Variants in MYO1E observed in about 807,000 individuals in gnomAD.
MYO1E encodes the protein myosin IE, also known as unconventional myosin-Ie.
Under a neutral mutation model 151.1 loss-of-function variants are expected in MYO1E, and 68 were observed. That is an observed-to-expected ratio of 0.45 (90% confidence interval 0.37 to 0.55). The LOEUF (loss-of-function observed/expected upper bound fraction) is 0.55. MYO1E is among the 20% of genes least tolerant of loss of function. MYO1E has a pLI of 0.00. For missense variants in MYO1E, 1,363 were observed against 1,389.3 expected (o/e 0.98, Z 0.30); for synonymous variants, 601 against 501.7 (o/e 1.20, Z -2.64).
At chr15:59,370,360 G>C (rs989154921) in intron 1 of MYO1E, among the ~76,000 whole-genome samples, 3 of 152,172 alleles carry the variant, frequency 2.0e-5, no homozygotes, top group Non-Finnish European at 4.4e-5. Flanking sequence ...CATACATAAT[G>C]AACAATTTTT....
intron 5 of MYO1E, among the ~76,000 whole-genome samples, chr15:59,236,369 T>TATATACACACACACAC (rs1392466770): frequency 1.7e-5 from 2 of 117,740 alleles, no homozygotes; most frequent in African/African-American, 6.5e-5. Context: ...AAAAAATATA[T>TATATACACACACACAC]ACACACACAC....
Position 59,239,148 on chromosome 15 carries a change from T to C in MYO1E, c.333-2476A>G, listed in dbSNP as rs536152691. ...TTGAACCCGGGAGGCAGAGGTTGCA[T>C]TGAGCCAAGATTGTGCCACTGCACT... On this transcript the variant is annotated intron_variant, in intron 4 of 27. Transcript: ENST00000288235. Among the ~76,000 whole-genome samples, 501 of 151,306 alleles carry C rather than the reference T, an allele frequency of 3.3e-3. 2 individuals are homozygous for C. Among genetic ancestry groups the C allele is most frequent in the Non-Finnish European group, 5.0e-3 (339 of 67,778 alleles).
chr15:59,263,205 C>T (rs923142842), intron 2 of MYO1E, among the ~76,000 whole-genome samples: 2 of 152,146 alleles, frequency 1.3e-5, no homozygotes, highest in African/African-American at 2.4e-5. Context: ...TTTATATTTA[C>T]ATATTAAGAC....
intron 24 of MYO1E, 121 bp from the exon 25 acceptor site, chr15:59,158,500 G>A: frequency 1.3e-6 from 1 of 768,132 alleles, no homozygotes; most frequent in Non-Finnish European, 2.3e-6. Flanking sequence ...TGGATCTGCA[G>A]GAGAACAGTT....
chr15:59,311,488 G>A (rs1329588767), intron 1 of MYO1E, among the ~76,000 whole-genome samples: 10 of 152,114 alleles, frequency 6.6e-5, no homozygotes, highest in African/African-American at 2.4e-4. Flanking sequence ...ATTGCCCAGG[G>A]GTTGGGGACC....
chr15:59,324,662 A>AGCC (rs2080651252), intron 1 of MYO1E, among the ~76,000 whole-genome samples: 1 of 4,812 alleles, frequency 2.1e-4, no homozygotes, highest in Non-Finnish European at 1.1e-3. Flanking sequence ...CCCCATCCCA[A>AGCC]GCCCCCCCCC....
At chr15:59,227,416 A>G in intron 7 of MYO1E, 43 bp downstream of exon 7, 1 of 1,611,464 alleles carries the variant, frequency 6.2e-7, no homozygotes, top group Admixed American at 1.7e-5. Context: ...TTTAATGTAG[A>G]GAAGGGACAG....
chr15:59,148,072 T>C (rs1169493938), intron 26 of MYO1E, among the ~76,000 whole-genome samples: 2 of 152,226 alleles, frequency 1.3e-5, no homozygotes, highest in Non-Finnish European at 2.9e-5. Flanking sequence ...TCAAATAGCA[T>C]TGTGCTTTAT....
intron 1 of MYO1E, 80 bp downstream of exon 1, chr15:59,372,418 C>A: frequency 6.6e-7 from 1 of 1,522,574 alleles, no homozygotes; most frequent in Non-Finnish European, 8.8e-7. Flanking sequence ...CGGCAGCGCG[C>A]CCAAGGTGGG....
At chr15:59,254,772 G>C (rs1315934257) in intron 4 of MYO1E, among the ~76,000 whole-genome samples, 1 of 152,100 alleles carries the variant, frequency 6.6e-6, no homozygotes, top group Non-Finnish European at 1.5e-5. Flanking sequence ...TCTAGGTGAT[G>C]AGAATATGGA....
chr15:59,268,715 T>C (rs1162327806), intron 2 of MYO1E, among the ~76,000 whole-genome samples: 3 of 135,560 alleles, frequency 2.2e-5, no homozygotes, highest in Admixed American at 1.5e-4. Context: ...CTGGGTGACT[T>C]TGGTATTTTT....
intron 1 of MYO1E, among the ~76,000 whole-genome samples, chr15:59,301,577 A>C (rs1167097996): frequency 1.3e-5 from 2 of 152,240 alleles, no homozygotes; most frequent in African/African-American, 2.4e-5. Flanking sequence ...TTAATTGAAG[A>C]GATCTTCTTG....
At chr15:59,346,172 C>G (rs745852467) in intron 1 of MYO1E, among the ~76,000 whole-genome samples, 3 of 152,146 alleles carry the variant, frequency 2.0e-5, no homozygotes, top group Non-Finnish European at 4.4e-5. Context: ...CCTTCTTCCA[C>G]TTGTGCTTTC....
At chr15:59,176,493 G>C (rs548017822) in intron 19 of MYO1E, among the ~76,000 whole-genome samples, 3 of 126,060 alleles carry the variant, frequency 2.4e-5, no homozygotes, top group African/African-American at 6.0e-5. Context: ...GGTCTTTCTT[G>C]ATCTGTTGCC....
At chr15:59,178,567 C>T (rs778689060) in intron 18 of MYO1E, 30 bp from the exon 19 acceptor site, 2 of 1,612,380 alleles carry the variant, frequency 1.2e-6, no homozygotes, top group Admixed American at 1.7e-5. Flanking sequence ...AAGAGAATCA[C>T]ACTTGGGCGG....
At chr15:59,206,942 T>C (rs1456423286) in intron 14 of MYO1E, 5 of 1,609,524 alleles carry the variant, frequency 3.1e-6, no homozygotes, top group Non-Finnish European at 4.2e-6. Flanking sequence ...TGAGCAGCCA[T>C]GAGTTGGACT....
chr15:59,223,134 C>G lies in MYO1E; in HGVS notation c.835G>C (p.Val279Leu). 2 of 1,614,236 alleles carry G rather than the reference C, an allele frequency of 1.2e-6. No homozygotes were observed. The highest frequency in any genetic ancestry group is 1.7e-6 in the Non-Finnish European group (2 of 1,180,042). ...AEEQTLVLQI[V>L]AGILHLGNIS... ...TTTCCCAGGTGGAGAATACCCGCCA[C>G]TATCTGCAACACCAGCGTTTGCTCT... The change falls in exon 9 of 28, where the codon GTG (valine) becomes CTG (leucine). Residue 279 changes from valine to leucine, a missense_variant. Transcript: ENST00000288235.
chr15:59,145,155 C>G (rs1254825223), intron 26 of MYO1E, among the ~76,000 whole-genome samples: 2 of 151,852 alleles, frequency 1.3e-5, no homozygotes, highest in African/African-American at 4.8e-5. Context: ...GAATGACTTT[C>G]AAAGAAACTG....
In MYO1E at chr15:59,205,480, G is replaced by C. The variant is rs267604275; in HGVS notation, c.1536C>G (p.Ser512=). Residue 512 remains serine, a synonymous_variant, in exon 15 of 28, where the codon TCC becomes TCG. Coordinates refer to ENST00000288235, the MANE Select transcript of MYO1E (RefSeq NM_004998.4). The stretch of plus-strand genomic sequence containing the variant: ...TTTCACAAAAGCCATCCATGTCATA[G>C]GATACCTGGCCAAGAATGGAAAGAA... ...FIIHHYAGKV[S]YDMDGFCERN... 1.2e-6 allele frequency: 2 copies of C among 1,603,502 alleles called. No individual in the cohort carries two copies. The highest frequency in any genetic ancestry group is 1.7e-6 in the Non-Finnish European group (2 of 1,173,882).
Sources: gnomAD v4.1 joint callset for allele counts (sites outside exome capture counted in the v4.1 genomes callset) on GRCh38, gnomAD v4.1.1 for gene constraint, MANE v1.5 for transcripts, NCBI Gene and HGNC (gene_info 2026-07-23, HGNC 2026-07-21) for gene names.